The following RASA2 variants were observed in gnomAD, a reference collection of about 807,000 sequenced individuals.
The protein encoded by RASA2 is RAS p21 protein activator 2.
RASA2 carries 155 observed loss-of-function variants against 118.2 expected under a neutral mutation model. The ratio of observed to expected loss-of-function variants is 1.31; its 90% CI spans 1.15 to 1.50. The LOEUF is 1.50. RASA2 is among the 40% of genes most tolerant of loss of function. The pLI is 0.00. For missense variants in RASA2, 1,016 were observed against 1,009.6 expected (o/e 1.01, Z -0.09); for synonymous variants, 353 against 349.1 (o/e 1.01, Z -0.12).
At chr3:141,501,209 A>G (rs2081773978) in intron 1 of RASA2, among the ~76,000 whole-genome samples, 2 of 152,192 alleles carry the variant, frequency 1.3e-5, no homozygotes, top group African/African-American at 4.8e-5. Context: ...AGCTTGAGGT[A>G]TAAAGGTTGG....
At chr3:141,595,115 A>C (rs1314263022) in intron 19 of RASA2, among the ~76,000 whole-genome samples, 1 of 152,160 alleles carries the variant, frequency 6.6e-6, no homozygotes, top group Non-Finnish European at 1.5e-5. Flanking sequence ...ATTTAGGGAA[A>C]TACTTGACAT....
Position 141,529,693 on chromosome 3 carries a change from A to C in RASA2, c.356-15A>C, listed in dbSNP as rs772907849. The C allele has an allele frequency of 1.0e-4, 156 of 1,562,796 alleles. No homozygotes were observed. The South Asian group carries it at 1.7e-3, about 17-fold the overall frequency. On this transcript the variant is annotated splice_polypyrimidine_tract_variant and intron_variant, in intron 3 of 23. Transcript: ENST00000286364. ...GAAGCATGTTTTCTTATATTGTTTTACTTATTTTCTGTAGGAAAAGTAGCC... is the reference window on the plus strand; with the variant it reads ...GAAGCATGTTTTCTTATATTGTTTTCCTTATTTTCTGTAGGAAAAGTAGCC...
intron 19 of RASA2, among the ~76,000 whole-genome samples, chr3:141,588,819 A>G (rs952409909): frequency 3.9e-5 from 6 of 151,940 alleles, no homozygotes; most frequent in Admixed American, 3.3e-4. Flanking sequence ...GGCTACATAC[A>G]TGCCCTTCCA....
At chr3:141,506,833 G>C (rs1021979489) in intron 1 of RASA2, among the ~76,000 whole-genome samples, 5 of 151,254 alleles carry the variant, frequency 3.3e-5, no homozygotes, top group Admixed American at 2.6e-4. Flanking sequence ...ACAGAATCAC[G>C]TGAGTCCAGG....
Position 141,609,876 on chromosome 3 carries a change from G to C in RASA2, c.2330-1G>C. ...GAGATTTATTTTCCTGCTCTTTGTA[G>C]AGGCTTGTGGAACTATTGCAGTCTA... On this transcript the variant is annotated splice_acceptor_variant, in intron 22 of 23. Coordinates refer to ENST00000286364, the MANE Select transcript of RASA2 (RefSeq NM_006506.5). LOFTEE classifies it high-confidence loss of function. 6.5e-7 allele frequency: 1 copy of C among 1,549,210 alleles called. No individual in the cohort carries two copies. The highest frequency in any genetic ancestry group is 8.7e-7 in the Non-Finnish European group (1 of 1,153,772).
chr3:141,549,987 G>C, intron 5 of RASA2, among the ~76,000 whole-genome samples: 1 of 152,188 alleles, frequency 6.6e-6, no homozygotes, highest in East Asian at 1.9e-4. Context: ...AGCGAATACT[G>C]GTACAAATAA....
chr3:141,533,877 T>A (rs1346274162), intron 4 of RASA2, among the ~76,000 whole-genome samples: 1 of 152,196 alleles, frequency 6.6e-6, no homozygotes, highest in African/African-American at 2.4e-5. Context: ...GAAATGGTTC[T>A]TTTTACCAAT....
intron 1 of RASA2, among the ~76,000 whole-genome samples, chr3:141,499,506 T>A (rs1162627540): frequency 1.3e-5 from 2 of 152,246 alleles, no homozygotes; most frequent in African/African-American, 4.8e-5. Context: ...CCTAGAGTCC[T>A]GTGCCCACTC....
intron 3 of RASA2, among the ~76,000 whole-genome samples, chr3:141,517,441 A>G (rs758289730): frequency 6.6e-6 from 1 of 152,172 alleles, no homozygotes; most frequent in Non-Finnish European, 1.5e-5. Context: ...ACATCTTCAC[A>G]TGGCTGGCAG....
intron 1 of RASA2, among the ~76,000 whole-genome samples, chr3:141,493,741 A>G (rs1281393092): frequency 6.6e-6 from 1 of 152,226 alleles, no homozygotes; most frequent in Non-Finnish European, 1.5e-5. Flanking sequence ...ACAAAACAGT[A>G]TATACATTGA....
chr3:141,612,408 G>A lies in RASA2; in HGVS notation c.*95G>A, dbSNP rs1289166440. 8.0e-6 allele frequency: 8 copies of A among 1,002,730 alleles called. No homozygotes were observed. Among genetic ancestry groups the A allele is most frequent in the Non-Finnish European group, 1.2e-5 (8 of 677,644 alleles). The allele number at this position is 1,002,730 out of a possible 1,614,324, so 62.1% of individuals were successfully genotyped here. On this transcript the variant is annotated 3_prime_UTR_variant, in exon 24 of 24. Transcript: ENST00000286364. The stretch of plus-strand genomic sequence containing the variant: ...TTTTGTTCATGGTATTTAAGAATGA[G>A]CATCCGCTTCAATGTCATCTGCCTC...
chr3:141,534,511 T>G (rs1311346246), intron 4 of RASA2, among the ~76,000 whole-genome samples: 1 of 152,196 alleles, frequency 6.6e-6, no homozygotes, highest in East Asian at 1.9e-4. Flanking sequence ...TATGATGCAA[T>G]TACTTAGTTA....
chr3:141,591,800 G>T lies in RASA2; in HGVS notation c.1933+5048G>T, dbSNP rs78331621. On this transcript the variant is annotated intron_variant, in intron 19 of 23. Coordinates refer to ENST00000286364, the MANE Select transcript of RASA2 (RefSeq NM_006506.5). ...TGGACATTGTAAAAGAAATGTCCAT[G>T]ATATTTTAAACATAAATGTTCAATA... Among the ~76,000 whole-genome samples, 108 of 152,034 alleles carry T rather than the reference G, an allele frequency of 7.1e-4. 1 individual carries two copies. In the East Asian group the frequency reaches 0.017, roughly 24 times the overall value.
chr3:141,596,325 G>A (rs1179376900), intron 19 of RASA2, among the ~76,000 whole-genome samples: 2 of 152,158 alleles, frequency 1.3e-5, no homozygotes, highest in Non-Finnish European at 2.9e-5. Context: ...TAATGAAAAT[G>A]CAACAAATAT....
chr3:141,563,644 G>T (rs940376035), intron 9 of RASA2, among the ~76,000 whole-genome samples: 1 of 152,066 alleles, frequency 6.6e-6, no homozygotes, highest in African/African-American at 2.4e-5. Flanking sequence ...GGGTTTTAAT[G>T]TGTTAAGACA....
At chr3:141,505,737 A>G (rs1294785129) in intron 1 of RASA2, among the ~76,000 whole-genome samples, 1 of 151,736 alleles carries the variant, frequency 6.6e-6, no homozygotes, top group African/African-American at 2.4e-5. Context: ...TAAGCAAGGG[A>G]TGTTTTATTT....
intron 15 of RASA2, among the ~76,000 whole-genome samples, chr3:141,580,085 A>ATATAAATATATAT (rs1353911779): frequency 1.7e-5 from 1 of 59,618 alleles, no homozygotes; most frequent in Non-Finnish European, 2.9e-5. Context: ...AAAAAAAAAA[A>ATATAAATATATAT]ATATATATAT....
chr3:141,564,965 G>A (rs2082794903), intron 9 of RASA2, among the ~76,000 whole-genome samples: 1 of 151,956 alleles, frequency 6.6e-6, no homozygotes, highest in Non-Finnish European at 1.5e-5. Flanking sequence ...CTCAGTCATT[G>A]CAATTCAGGT....
chr3:141,516,460 C>G (rs778029778), intron 3 of RASA2, 29 bp downstream of exon 3: 1 of 1,345,926 alleles, frequency 7.4e-7, no homozygotes, highest in Non-Finnish European at 9.7e-7. Context: ...TATCTTTAAT[C>G]ACAATGTTAA....
Sources: allele counts gnomAD v4.1 joint callset (sites outside exome capture counted in the v4.1 genomes callset), GRCh38; gene constraint gnomAD v4.1.1; transcripts MANE v1.5; gene names NCBI Gene and HGNC (gene_info 2026-07-23, HGNC 2026-07-21).